The following ENTPD4 variants were observed in gnomAD, a reference collection of about 807,000 sequenced individuals.
ENTPD4 encodes the protein Golgi UDPase.
A neutral mutation model predicts 79.1 loss-of-function variants in ENTPD4; 60 were observed. The ratio of observed to expected loss-of-function variants is 0.76; its 90% CI spans 0.62 to 0.94. The LOEUF is 0.94. ENTPD4 is among the 40% of genes least tolerant of loss of function. The pLI, the probability that ENTPD4 is intolerant of heterozygous loss-of-function variation, is 0.00. For synonymous variants in ENTPD4, 276 were observed against 292.0 expected (o/e 0.95, Z 0.56); for missense variants, 772 against 775.1 (o/e 1.00, Z 0.05).
chr8:23,449,029 G>A, intron 2 of ENTPD4, 90 bp from the exon 3 acceptor site: 6 of 1,061,838 alleles, frequency 5.7e-6, no homozygotes, highest in Non-Finnish European at 8.4e-6. Context: ...TATTTGGCTT[G>A]AGCTACCTGG....
At chr8:23,453,524 T>G (rs989377326) in intron 1 of ENTPD4, among the ~76,000 whole-genome samples, 2 of 152,168 alleles carry the variant, frequency 1.3e-5, no homozygotes, top group Non-Finnish European at 2.9e-5. Context: ...GCAAAGACAA[T>G]TTGAGATTAT....
At chr8:23,439,723 C>T in intron 9 of ENTPD4, 26 bp downstream of exon 9, 11 of 1,610,442 alleles carry the variant, frequency 6.8e-6, no homozygotes, top group Non-Finnish European at 9.3e-6. Flanking sequence ...TTGCAAATGA[C>T]TGCCAAGTAG....
chr8:23,454,069 C>A (rs1800911546), intron 1 of ENTPD4, among the ~76,000 whole-genome samples: 2 of 152,170 alleles, frequency 1.3e-5, no homozygotes. Flanking sequence ...GCAATGAGAT[C>A]AGGTATCATC....
intron 9 of ENTPD4, 136 bp from the exon 10 acceptor site, chr8:23,437,394 G>A: frequency 3.1e-6 from 2 of 639,276 alleles, no homozygotes; most frequent in South Asian, 2.2e-5. Flanking sequence ...GAACAGAAAA[G>A]GGTTCCGAGA....
chr8:23,457,268 C>T (rs1800975227), intron 1 of ENTPD4, among the ~76,000 whole-genome samples: 1 of 152,182 alleles, frequency 6.6e-6, no homozygotes, highest in Non-Finnish European at 1.5e-5. Context: ...GGGGGGATCC[C>T]GAGCGGTCAC....
At chr8:23,433,719 T>C (rs777226983) in intron 12 of ENTPD4, among the ~76,000 whole-genome samples, 11 of 152,240 alleles carry the variant, frequency 7.2e-5, no homozygotes, top group Non-Finnish European at 1.5e-4. Flanking sequence ...ATCATTAGCG[T>C]TGGCAGCACC....
intron 12 of ENTPD4, among the ~76,000 whole-genome samples, chr8:23,433,782 T>C (rs1800505132): frequency 6.6e-6 from 1 of 152,238 alleles, no homozygotes; most frequent in African/African-American, 2.4e-5. Flanking sequence ...CATTATGGTA[T>C]CATCAATGCC....
chr8:23,443,817 C>T, intron 6 of ENTPD4, 33 bp downstream of exon 6: 1 of 1,358,186 alleles, frequency 7.4e-7, no homozygotes, highest in South Asian at 1.2e-5. Context: ...GGAACAGCTT[C>T]CCAAATTTTA....
intron 1 of ENTPD4, among the ~76,000 whole-genome samples, chr8:23,454,614 TG>T (rs1390055404): frequency 6.6e-6 from 1 of 152,060 alleles, no homozygotes; most frequent in African/African-American, 2.4e-5. Context: ...CAATTCTAGA[TG>T]GGGTGAGAAA....
chr8:23,434,379 G>A lies in ENTPD4; in HGVS notation c.1560C>T (p.Tyr520=), dbSNP rs777355138. The A allele has an allele frequency of 4.2e-5, 68 of 1,614,042 alleles. No individual in the cohort carries two copies. Among genetic ancestry groups the A allele is most frequent in the South Asian group, 7.7e-5 (7 of 91,092 alleles). Residue 520 remains tyrosine (Y), a synonymous_variant, in exon 12 of 13, where the codon TAC becomes TAT. Coordinates refer to ENST00000358689, the MANE Select transcript of ENTPD4 (RefSeq NM_004901.5). The stretch of plus-strand genomic sequence containing the variant: ...CAAGGGTCCACTGAACCTCCTTGTC[G>A]TAAACTTGCAAGGCAGTCTTTAAGC... The part of the protein sequence containing the change: ...YKSLKTALQV[Y]DKEVQWTLGA...
chr8:23,429,590 C>T lies in ENTPD4; in HGVS notation c.*3336G>A. ...TTAGTTTCTTGCTAAGTGATACATG[C>T]TCCTTATAAGGAAAACTACTCTGTG... On this transcript the variant is annotated 3_prime_UTR_variant, in exon 13 of 13. Coordinates refer to ENST00000358689, the MANE Select transcript of ENTPD4 (RefSeq NM_004901.5). 4 of 985,378 alleles carry T rather than the reference C, an allele frequency of 4.1e-6. No individual in the cohort carries two copies. The highest frequency in any genetic ancestry group is 1.7e-5 in the African/African-American group (1 of 57,356). 61.0% of individuals were successfully genotyped at this position (985,378 alleles called of 1,614,324 possible).
chr8:23,441,329 C>T (rs371029480), intron 8 of ENTPD4: 11 of 686,552 alleles, frequency 1.6e-5, no homozygotes, highest in East Asian at 2.7e-4. Flanking sequence ...CATGCGACTG[C>T]GTATATACCA....
intron 1 of ENTPD4, 91 bp from the exon 2 acceptor site, chr8:23,450,088 T>A (rs1368702770): frequency 3.0e-6 from 2 of 669,684 alleles, no homozygotes; most frequent in South Asian, 1.7e-5. Context: ...CAACCACATA[T>A]AATCTATACA....
At chr8:23,433,256 T>G (rs3736021) in intron 12 of ENTPD4, 102 bp from the exon 13 acceptor site, 85,049 of 901,288 alleles carry the variant, frequency 0.094, 6,410 homozygotes, top group East Asian at 0.28. Context: ...GAGCTGCACT[T>G]TAGGAACTGC....
chr8:23,438,422 T>C (rs1030463434), intron 9 of ENTPD4, among the ~76,000 whole-genome samples: 1 of 152,218 alleles, frequency 6.6e-6, no homozygotes, highest in African/African-American at 2.4e-5. Flanking sequence ...TTTAAAAAAA[T>C]TAATCACCAC....
chr8:23,452,364 A>G (rs1033031555), intron 1 of ENTPD4, among the ~76,000 whole-genome samples: 5 of 152,206 alleles, frequency 3.3e-5, no homozygotes, highest in Admixed American at 6.5e-5. Context: ...ACAGGGAATC[A>G]TAACTCCCCA....
At chr8:23,437,333 T>C in intron 9 of ENTPD4, 75 bp from the exon 10 acceptor site, 2 of 1,126,830 alleles carry the variant, frequency 1.8e-6, no homozygotes, top group East Asian at 2.4e-5. Context: ...CAAACCAGTG[T>C]TTCTCAAAAT....
chr8:23,437,629 C>T (rs145229818), intron 9 of ENTPD4, among the ~76,000 whole-genome samples: 24 of 152,266 alleles, frequency 1.6e-4, no homozygotes, highest in African/African-American at 5.3e-4. Context: ...ATGGAAGGAA[C>T]GTGACTGTGA....
chr8:23,431,781 T>C lies in ENTPD4; in HGVS notation c.*1145A>G, dbSNP rs1348201282. 6 of 985,356 alleles carry C rather than the reference T, an allele frequency of 6.1e-6. No individual in the cohort carries two copies. Among genetic ancestry groups the C allele is most frequent in the African/African-American group, 3.5e-5 (2 of 57,246 alleles). The allele number at this position is 985,356 out of a possible 1,614,324, so 61.0% of individuals were successfully genotyped here. On this transcript the variant is annotated 3_prime_UTR_variant, in exon 13 of 13. Transcript: ENST00000358689. The stretch of plus-strand genomic sequence containing the variant: ...AGGAATACTGAGCAAGAAGTGGGCA[T>C]GTGCTCTAGTTCCAATAAAACCGAA...
Sources: allele counts gnomAD v4.1 joint callset (sites outside exome capture counted in the v4.1 genomes callset), GRCh38; gene constraint gnomAD v4.1.1; transcripts MANE v1.5; gene names NCBI Gene and HGNC (gene_info 2026-07-23, HGNC 2026-07-21).